Variants in KCNIP4 observed in about 807,000 individuals in gnomAD.
KCNIP4 encodes the protein Kv channel-interacting protein 4.
A neutral mutation model predicts 34.0 loss-of-function variants in KCNIP4; 12 were observed. The observed-to-expected ratio is 0.35, with a 90% CI of 0.23 to 0.57. The LOEUF (loss-of-function observed/expected upper bound fraction) is 0.57, where lower values mean the gene tolerates loss of function less well. KCNIP4 is among the 20% of genes least tolerant of loss of function. KCNIP4 has a pLI of 0.83. For missense variants in KCNIP4, 238 were observed against 311.7 expected, an observed-to-expected ratio of 0.76 and a Z score of 1.78; for synonymous variants, 124 against 102.2, an observed-to-expected ratio of 1.21 and a Z score of -1.29.
chr4:20,802,162 A>G (rs1290645700), intron 3 of KCNIP4, among the ~76,000 whole-genome samples: 2 of 132,290 alleles, frequency 1.5e-5, no homozygotes, highest in South Asian at 2.4e-4. Flanking sequence ...TGCTATATAT[A>G]TGCTATATAT....
At chr4:20,887,343 C>G (rs1725425387) in intron 1 of KCNIP4, among the ~76,000 whole-genome samples, 1 of 151,094 alleles carries the variant, frequency 6.6e-6, no homozygotes, top group Non-Finnish European at 1.5e-5. Context: ...CCAAAATATT[C>G]CACATATGTT....
intron 1 of KCNIP4, among the ~76,000 whole-genome samples, chr4:20,941,392 C>T (rs148206797): frequency 1.7e-3 from 255 of 152,190 alleles, no homozygotes; most frequent in Middle Eastern, 3.4e-3. Flanking sequence ...AAATCCACTC[C>T]GAAGTAAAAG....
At chr4:21,556,071 G>C (rs146422187) in intron 1 of KCNIP4, among the ~76,000 whole-genome samples, 2 of 152,228 alleles carry the variant, frequency 1.3e-5, no homozygotes, top group Non-Finnish European at 2.9e-5. Context: ...AATTTTGCTT[G>C]ATAAATTTGT....
chr4:20,993,210 C>A (rs933391757), intron 1 of KCNIP4, among the ~76,000 whole-genome samples: 12 of 151,950 alleles, frequency 7.9e-5, no homozygotes, highest in Non-Finnish European at 4.4e-5. Flanking sequence ...AGTTCTCTTT[C>A]CACTGCAACA....
At chr4:21,220,830 A>C (rs1248126434) in intron 1 of KCNIP4, among the ~76,000 whole-genome samples, 1 of 152,166 alleles carries the variant, frequency 6.6e-6, no homozygotes, top group Admixed American at 6.6e-5. Context: ...GAGTTAATAT[A>C]TTCTCATTGT....
chr4:20,938,468 T>C (rs1560585142), intron 1 of KCNIP4, among the ~76,000 whole-genome samples: 1 of 152,326 alleles, frequency 6.6e-6, no homozygotes, highest in East Asian at 1.9e-4. Context: ...ACTAGCATCC[T>C]TGATCAGCTG....
At chr4:21,857,615 C>A (rs1434829366) in intron 1 of KCNIP4, among the ~76,000 whole-genome samples, 1 of 152,046 alleles carries the variant, frequency 6.6e-6, no homozygotes, top group Non-Finnish European at 1.5e-5. Flanking sequence ...GGACACCCTG[C>A]CTGAGGAAAG....
At chr4:21,646,219 T>C (rs1747002412) in intron 1 of KCNIP4, among the ~76,000 whole-genome samples, 1 of 152,178 alleles carries the variant, frequency 6.6e-6, no homozygotes, top group Non-Finnish European at 1.5e-5. Flanking sequence ...CTCTGTATAG[T>C]AGATTCTATA....
intron 1 of KCNIP4, among the ~76,000 whole-genome samples, chr4:21,269,507 G>T (rs186006979): frequency 2.0e-5 from 3 of 152,212 alleles, no homozygotes; most frequent in African/African-American, 7.2e-5. Flanking sequence ...CTGGGCTCCA[G>T]CAATCTTCCC....
chr4:20,866,853 A>T (rs981387822), intron 2 of KCNIP4, among the ~76,000 whole-genome samples: 2 of 152,104 alleles, frequency 1.3e-5, no homozygotes, highest in African/African-American at 4.8e-5. Context: ...TAGCATTTCT[A>T]CACACCAACA....
chr4:20,898,687 T>C (rs1726825953), intron 1 of KCNIP4, among the ~76,000 whole-genome samples: 1 of 152,208 alleles, frequency 6.6e-6, no homozygotes, highest in Non-Finnish European at 1.5e-5. Context: ...GAGTCTCAAT[T>C]GAAGAAACTG....
chr4:21,820,982 G>C (rs1560739292), intron 1 of KCNIP4, among the ~76,000 whole-genome samples: 1 of 152,098 alleles, frequency 6.6e-6, no homozygotes, highest in Non-Finnish European at 1.5e-5. Flanking sequence ...ATTTTTGGAA[G>C]ATACTGAAAC....
chr4:20,845,888 T>C (rs1016489523), intron 3 of KCNIP4, among the ~76,000 whole-genome samples: 2 of 152,106 alleles, frequency 1.3e-5, no homozygotes, highest in African/African-American at 4.8e-5. Flanking sequence ...CAGAAAGAAA[T>C]GCAGCCCAAT....
intron 1 of KCNIP4, among the ~76,000 whole-genome samples, chr4:21,014,754 C>A (rs1055373973): frequency 6.6e-6 from 1 of 152,146 alleles, no homozygotes; most frequent in African/African-American, 2.4e-5. Flanking sequence ...CTCAGCAATT[C>A]TACCTTTACG....
At chr4:21,836,573 G>A (rs1047764913) in intron 1 of KCNIP4, among the ~76,000 whole-genome samples, 1 of 152,130 alleles carries the variant, frequency 6.6e-6, no homozygotes, top group Admixed American at 6.5e-5. Context: ...AAAATTTGCA[G>A]TTAACTAGTT....
intron 1 of KCNIP4, among the ~76,000 whole-genome samples, chr4:21,593,103 ATG>A (rs146327268): frequency 7.0e-6 from 1 of 143,178 alleles, no homozygotes; most frequent in Non-Finnish European, 1.5e-5. Flanking sequence ...AATTTAAATA[ATG>A]TGTGTGTGTG....
chr4:21,863,743 G>C (rs1009791175), intron 1 of KCNIP4, among the ~76,000 whole-genome samples: 6 of 152,152 alleles, frequency 3.9e-5, no homozygotes, highest in Admixed American at 2.0e-4. Flanking sequence ...TGAGCTCCTA[G>C]ATCCAACCAT....
intron 3 of KCNIP4, 48 bp from the exon 4 acceptor site, chr4:20,758,938 T>C (rs781775086): frequency 6.6e-7 from 1 of 1,520,590 alleles, no homozygotes; most frequent in Admixed American, 1.7e-5. Context: ...TTCATAAAAC[T>C]GAATTTTTTT....
At position 21,717,294 on chromosome 4, in the gene KCNIP4, C is replaced by T. The variant is rs112757422; in HGVS notation, c.61+231277G>A. Among the ~76,000 whole-genome samples the T allele has an allele frequency of 9.1e-3, 1,380 of 152,232 alleles. 23 individuals are homozygous for T. The highest frequency in any genetic ancestry group is 0.032 in the African/African-American group (1,312 of 41,520). ...ATAGAGAACCACTCTACTAAGTCTA[C>T]GAACTTGACTAATGAGAGTGCCATG... On this transcript the variant is annotated intron_variant, in intron 1 of 8. Coordinates refer to ENST00000382152, the MANE Select transcript of KCNIP4 (RefSeq NM_025221.6).
Sources: allele counts gnomAD v4.1 joint callset (sites outside exome capture counted in the v4.1 genomes callset), GRCh38; gene constraint gnomAD v4.1.1; transcripts MANE v1.5; gene names NCBI Gene and HGNC (gene_info 2026-07-23, HGNC 2026-07-21).